Variants in MRPS5 observed in about 807,000 individuals in gnomAD.
MRPS5 encodes the protein mitochondrial ribosomal protein S5, also known as small ribosomal subunit protein uS5m.
MRPS5 carries 27 observed loss-of-function variants against 51.9 expected under a neutral mutation model. The observed-to-expected ratio is 0.52, with a 90% CI of 0.38 to 0.72. The LOEUF is 0.72. Among genes scored for constraint, MRPS5 ranks in the 30% least tolerant of loss-of-function variants. MRPS5 has a pLI of 0.00. For missense variants in MRPS5, 570 were observed against 545.7 expected (o/e 1.04, Z -0.44); for synonymous variants, 196 against 193.2 (o/e 1.01, Z -0.12).
Position 95,085,395 on chromosome 2 carries a change from T to C in MRPS5, c.*1962A>G, listed in dbSNP as rs745689765. On this transcript the variant is annotated 3_prime_UTR_variant, in exon 12 of 12. Transcript: ENST00000272418. ...TTTGTTTCCCCTCTCCAAAGGATCA[T>C]TGTCTTTTATTGCTTAAAGTTCATT... Among the ~76,000 whole-genome samples, 1 of 152,228 alleles carries C rather than the reference T, an allele frequency of 6.6e-6. No homozygotes were observed. The highest frequency in any genetic ancestry group is 2.4e-5 in the African/African-American group (1 of 41,460).
intron 10 of MRPS5, among the ~76,000 whole-genome samples, chr2:95,098,152 A>G (rs909547156): frequency 6.6e-6 from 1 of 152,226 alleles, no homozygotes; most frequent in African/African-American, 2.4e-5. Context: ...ACCATCTCAC[A>G]CCAGTTAGAA....
At chr2:95,106,370 CCCACCCCAACCTCT>C in intron 6 of MRPS5, 39 bp downstream of exon 6, 1 of 1,081,724 alleles carries the variant, frequency 9.2e-7, no homozygotes, top group South Asian at 1.2e-5. Context: ...CCCTGCCCCA[CCCACCCCAACCTCT>C]CCAAAGGCTT....
At chr2:95,104,535 A>G in intron 7 of MRPS5, 105 bp downstream of exon 7, 1 of 1,229,138 alleles carries the variant, frequency 8.1e-7, no homozygotes, top group Admixed American at 1.7e-5. Flanking sequence ...TAATCAATGG[A>G]AAAAGTCCGG....
At chr2:95,093,971 G>T (rs1333742162) in intron 10 of MRPS5, among the ~76,000 whole-genome samples, 1 of 152,182 alleles carries the variant, frequency 6.6e-6, no homozygotes, top group Non-Finnish European at 1.5e-5. Flanking sequence ...CCATCACAAG[G>T]AAGCTAAAAA....
Position 95,112,332 on chromosome 2 carries a change from TA to T in MRPS5, c.278-2292del, listed in dbSNP as rs1157568719. ...CGCCCACCTCAGCCTCCCAAAGCGC[TA>T]GGATTACAGGCATTGAGTCACTGCA... On this transcript the variant is annotated intron_variant, in intron 3 of 11. Transcript: ENST00000272418. Among the ~76,000 whole-genome samples the T allele has an allele frequency of 3.3e-5, 5 of 152,150 alleles. No individual in the cohort carries two copies. In the East Asian group the frequency reaches 9.6e-4, roughly 29 times the overall value.
chr2:95,119,310 C>T (rs763414077), intron 1 of MRPS5, among the ~76,000 whole-genome samples: 5 of 152,212 alleles, frequency 3.3e-5, no homozygotes, highest in Non-Finnish European at 5.9e-5. Context: ...ACTGATACCA[C>T]TTCACATCCA....
chr2:95,089,440 T>C (rs1675393231), intron 11 of MRPS5, among the ~76,000 whole-genome samples: 1 of 152,170 alleles, frequency 6.6e-6, no homozygotes, highest in African/African-American at 2.4e-5. Flanking sequence ...CCACCTATGC[T>C]AAGGTCTACC....
In MRPS5 at chr2:95,119,627, A is replaced by G. The variant is rs544187192; in HGVS notation, c.59-1682T>C. ...ACCCTGTCTCGAAAAAAAAAAAAAA[A>G]CCCACATCCACTAAGATGGCTATAG... On this transcript the variant is annotated intron_variant, in intron 1 of 11. Coordinates refer to ENST00000272418, the MANE Select transcript of MRPS5 (RefSeq NM_031902.5). Among the ~76,000 whole-genome samples the G allele has an allele frequency of 6.7e-4, 101 of 151,812 alleles. 1 individual carries two copies. The East Asian group carries it at 0.018, about 27-fold the overall frequency.
At chr2:95,115,811 C>A (rs567407237) in intron 2 of MRPS5, among the ~76,000 whole-genome samples, 5 of 152,104 alleles carry the variant, frequency 3.3e-5, no homozygotes, top group African/African-American at 1.2e-4. Flanking sequence ...ACAGGAAATA[C>A]GGGCTTTTCA....
chr2:95,090,431 A>C lies in MRPS5; in HGVS notation c.1023T>G (p.Asn341Lys). 1 of 1,614,106 alleles carries C rather than the reference A, an allele frequency of 6.2e-7. No individual in the cohort carries two copies. ...DMYAKVSGSINMLSLTQGLFR... is the reference protein window; with the variant it reads ...DMYAKVSGSIKMLSLTQGLFR... ...AGAGGCCCTGGGTGAGGCTGAGCAT[A>C]TTAATGGACCCAGAGACCTTGGCAT... Residue 341 changes from asparagine (N) to lysine (K), a missense_variant, in exon 11 of 12, where the codon AAT becomes AAG. Asn to Lys is a moderately conservative substitution (Grantham distance 94). Transcript: ENST00000272418.
At position 95,110,123 on chromosome 2, in the gene MRPS5, G is replaced by A. The variant is rs764162007; in HGVS notation, c.278-82C>T. ...GATCTCCTATTGAATAATAAGAGAA[G>A]TGGAGGTCAGCTTACAGCTTTACCC... On this transcript the variant is annotated intron_variant, in intron 3 of 11. Transcript: ENST00000272418. 2.0e-4 allele frequency: 297 copies of A among 1,520,358 alleles called. 1 individual carries two copies. Among genetic ancestry groups the A allele is most frequent in the Middle Eastern group, 1.1e-3 (6 of 5,706 alleles). The allele number at this position is 1,520,358 out of a possible 1,614,324, so 94.2% of individuals were successfully genotyped here.
chr2:95,118,116 C>T (rs1166025232), intron 1 of MRPS5, among the ~76,000 whole-genome samples, 171 bp from the exon 2 acceptor site: 1 of 152,118 alleles, frequency 6.6e-6, no homozygotes, highest in African/African-American at 2.4e-5. Flanking sequence ...CTCATCTTCT[C>T]CCTTCACCCT....
At position 95,107,700 on chromosome 2, in the gene MRPS5, A is replaced by G. The variant is rs184998900; in HGVS notation, c.637+475T>C. 1.7e-4 allele frequency among the ~76,000 whole-genome samples: 26 copies of G among 152,236 alleles called. 1 individual carries two copies. Among genetic ancestry groups the G allele is most frequent in the African/African-American group, 6.0e-4 (25 of 41,530 alleles). ...ATGATTTTTACTGCTTTACATACTCACGGAGGGCTGGGGGAAACTTTGTTT... is the reference window on the plus strand; with the variant it reads ...ATGATTTTTACTGCTTTACATACTCGCGGAGGGCTGGGGGAAACTTTGTTT... On this transcript the variant is annotated intron_variant, in intron 5 of 11. Coordinates refer to ENST00000272418, the MANE Select transcript of MRPS5 (RefSeq NM_031902.5).
At chr2:95,114,120 CAAAAAAAAAAAAA>C (rs1002543941) in intron 3 of MRPS5, among the ~76,000 whole-genome samples, 3 of 43,022 alleles carry the variant, frequency 7.0e-5, no homozygotes, top group Non-Finnish European at 1.2e-4. Context: ...CTCCATCTCC[CAAAAAAAAAAAAA>C]AAAAAAAAAA....
intron 2 of MRPS5, among the ~76,000 whole-genome samples, chr2:95,117,542 A>T (rs1430777327): frequency 1.3e-5 from 2 of 149,178 alleles, no homozygotes; most frequent in Non-Finnish European, 3.0e-5. Flanking sequence ...ATAACAATTG[A>T]TAAATTGAAA....
chr2:95,108,576 C>G (rs908647245), intron 4 of MRPS5, among the ~76,000 whole-genome samples, 168 bp from the exon 5 acceptor site: 5 of 152,178 alleles, frequency 3.3e-5, no homozygotes, highest in African/African-American at 1.2e-4. Context: ...TTTAAATATA[C>G]TTCATGGTAT....
intron 10 of MRPS5, among the ~76,000 whole-genome samples, chr2:95,097,601 G>C (rs1675665506): frequency 6.6e-6 from 1 of 152,136 alleles, no homozygotes; most frequent in Non-Finnish European, 1.5e-5. Context: ...AATGGGGAAA[G>C]GATTCCCTAT....
chr2:95,100,678 T>C, intron 9 of MRPS5, 142 bp from the exon 10 acceptor site: 1 of 886,900 alleles, frequency 1.1e-6, no homozygotes, highest in Admixed American at 2.9e-5. Flanking sequence ...ATTTCATTCA[T>C]TTTAGTAACC....
chr2:95,090,153 G>C (rs1414006784), intron 11 of MRPS5, among the ~76,000 whole-genome samples: 1 of 147,240 alleles, frequency 6.8e-6, no homozygotes, highest in Non-Finnish European at 1.5e-5. Flanking sequence ...CTCCAGCCTG[G>C]GTGACAGAGC....
Sources: allele counts gnomAD v4.1 joint callset (sites outside exome capture counted in the v4.1 genomes callset), GRCh38; gene constraint gnomAD v4.1.1; transcripts MANE v1.5; gene names NCBI Gene and HGNC (gene_info 2026-07-23, HGNC 2026-07-21).